The following UTS2B variants were observed in gnomAD, a reference collection of about 807,000 sequenced individuals.
The protein encoded by UTS2B is urotensin 2B.
Under a neutral mutation model 19.2 loss-of-function variants are expected in UTS2B, and 21 were observed. The observed-to-expected ratio is 1.09, with a 90% CI of 0.78 to 1.58. UTS2B has a LOEUF of 1.58. Ranked by LOEUF, UTS2B falls within the 40% of genes most tolerant of loss-of-function variation. The pLI is 0.00. For synonymous variants in UTS2B, 57 were observed against 50.2 expected (o/e 1.14, Z -0.58); for missense variants, 138 against 130.3 (o/e 1.06, Z -0.29).
intron 4 of UTS2B, among the ~76,000 whole-genome samples, chr3:191,297,224 T>C (rs1716880241): frequency 6.6e-6 from 1 of 152,156 alleles, no homozygotes; most frequent in Non-Finnish European, 1.5e-5. Context: ...CCTTGGCCAC[T>C]TTCTTAACTT....
chr3:191,343,790 A>G, the UTS2B span, among the ~76,000 whole-genome samples: 2 of 152,190 alleles, frequency 1.3e-5, no homozygotes, highest in African/African-American at 4.8e-5. Context: ...AGTGCTTGGT[A>G]AAGTATTAGA....
At chr3:191,338,621 T>C in the UTS2B span, among the ~76,000 whole-genome samples, 151,328 of 152,352 alleles carry the variant, frequency 0.99, 75,156 homozygotes, top group East Asian at 1. Flanking sequence ...CTGGTCAGAC[T>C]TCATTATTTC....
At chr3:191,292,467 G>A (rs1323327196) in intron 4 of UTS2B, among the ~76,000 whole-genome samples, 2 of 152,070 alleles carry the variant, frequency 1.3e-5, no homozygotes, top group East Asian at 3.8e-4. Context: ...TGTATTGATT[G>A]ATTTTGTATA....
Position 191,317,953 on chromosome 3 carries a change from CCTT to C in UTS2B, c.-585-1517_-585-1515del, listed in dbSNP as rs1717512153. On this transcript the variant is annotated intron_variant, in intron 2 of 8. Transcript: ENST00000340524. ...GAGCATGAAAACAGAAGTTGCCTGG[CCTT>C]CTTATGTCAAGGCTTATAAGTCTCA... Among the ~76,000 whole-genome samples the C allele has an allele frequency of 3.3e-5, 5 of 152,196 alleles. No individual in the cohort carries two copies. In the South Asian group the frequency reaches 1.0e-3, roughly 32 times the overall value.
At chr3:191,277,580 T>C (rs1716270365) in intron 6 of UTS2B, 1 of 152,098 alleles carries the variant, frequency 6.6e-6, no homozygotes, top group South Asian at 2.1e-4. Flanking sequence ...CAAATAAAAA[T>C]AATTTCAATT....
At chr3:191,314,103 A>G (rs533034034) in intron 3 of UTS2B, among the ~76,000 whole-genome samples, 12 of 152,176 alleles carry the variant, frequency 7.9e-5, no homozygotes, top group African/African-American at 2.9e-4. Context: ...TTTCCACTGC[A>G]CTTCGTGACT....
chr3:191,332,910 C>T (rs1241986135), upstream of UTS2B, among the ~76,000 whole-genome samples: 1 of 152,204 alleles, frequency 6.6e-6, no homozygotes, highest in African/African-American at 2.4e-5. Context: ...GGCGTTTCAT[C>T]AACTTCTTTG....
At chr3:191,304,136 T>G (rs1021902006) in intron 4 of UTS2B, among the ~76,000 whole-genome samples, 1 of 152,150 alleles carries the variant, frequency 6.6e-6, no homozygotes, top group Non-Finnish European at 1.5e-5. Flanking sequence ...TTTTGTACTT[T>G]TAGTAGAGAC....
chr3:191,291,742 G>A (rs757833193), intron 4 of UTS2B, among the ~76,000 whole-genome samples: 2 of 152,088 alleles, frequency 1.3e-5, no homozygotes, highest in Admixed American at 6.5e-5. Flanking sequence ...GTGAGCCACC[G>A]CGCCCGGCCT....
At chr3:191,344,355 C>T in the UTS2B span, among the ~76,000 whole-genome samples, 2 of 152,152 alleles carry the variant, frequency 1.3e-5, no homozygotes, top group African/African-American at 4.8e-5. Flanking sequence ...GAATAGTAGC[C>T]ACCAGCCCCA....
chr3:191,274,918 A>T (rs1271235869), intron 8 of UTS2B, among the ~76,000 whole-genome samples: 1 of 152,228 alleles, frequency 6.6e-6, no homozygotes, highest in East Asian at 1.9e-4. Flanking sequence ...GATTCTATGG[A>T]ATTTTAAATT....
intron 4 of UTS2B, among the ~76,000 whole-genome samples, chr3:191,302,905 A>G (rs918769023): frequency 2.0e-5 from 3 of 152,240 alleles, no homozygotes; most frequent in Admixed American, 1.3e-4. Flanking sequence ...GGCTCTCTCT[A>G]AAGTTCCCTT....
At chr3:191,274,429 A>C (rs111685444) in intron 8 of UTS2B, among the ~76,000 whole-genome samples, 322 of 152,336 alleles carry the variant, frequency 2.1e-3, no homozygotes, top group African/African-American at 7.1e-3. Flanking sequence ...TATTATCATT[A>C]TCCGCATTTT....
chr3:191,341,788 T>TA, the UTS2B span, among the ~76,000 whole-genome samples: 1 of 152,244 alleles, frequency 6.6e-6, no homozygotes, highest in African/African-American at 2.4e-5. Flanking sequence ...AATCACTTCT[T>TA]AAAATCTATG....
chr3:191,304,590 G>C (rs1418606215), intron 3 of UTS2B, 42 bp from the exon 4 acceptor site: 2 of 152,086 alleles, frequency 1.3e-5, no homozygotes, highest in African/African-American at 4.8e-5. Context: ...TAATGCTCTC[G>C]TATCCTCTTT....
chr3:191,278,097 A>C lies in UTS2B; in HGVS notation c.177T>G (p.Phe59Leu). The change falls in exon 6 of 9, where the codon TTT (phenylalanine) becomes TTG (leucine). Residue 59 changes from phenylalanine (F) to leucine (L), a missense_variant. Coordinates refer to ENST00000340524, the MANE Select transcript of UTS2B (RefSeq NM_198152.5). ...CAGTGTTGAAAGGTCTTTGGAAATC[A>C]AAATTTTTATTCAGTAGAGCCAGCA... The part of the protein sequence containing the change: ...ELLLALLNKN[F>L]DFQRPFNTDL... The C allele has an allele frequency of 6.4e-7, 1 of 1,564,208 alleles. No homozygotes were observed. Among genetic ancestry groups the C allele is most frequent in the Non-Finnish European group, 8.6e-7 (1 of 1,159,264 alleles).
intron 8 of UTS2B, among the ~76,000 whole-genome samples, chr3:191,274,060 C>A (rs1180307054): frequency 6.6e-6 from 1 of 151,978 alleles, no homozygotes; most frequent in Non-Finnish European, 1.5e-5. Context: ...CGAGATTGTG[C>A]CATTGCACTC....
rs531943285 is a variant in UTS2B at position 191,268,404 on chromosome 3, A to G, written c.*12T>C. ...GATATTCTTATCTTTTTTTGCATCC[A>G]GAGAAAAAGCTTTAAACACAGTATT... is the stretch of plus-strand genomic sequence containing the variant. On this transcript the variant is annotated 3_prime_UTR_variant, in exon 9 of 9. Coordinates refer to ENST00000340524, the MANE Select transcript of UTS2B (RefSeq NM_198152.5). The G allele has an allele frequency of 1.9e-5, 30 of 1,557,408 alleles. No homozygotes were observed. The highest frequency in any genetic ancestry group is 2.4e-5 in the Non-Finnish European group (27 of 1,139,404).
intron 4 of UTS2B, among the ~76,000 whole-genome samples, chr3:191,297,420 T>C (rs1716884318): frequency 6.6e-6 from 1 of 152,226 alleles, no homozygotes; most frequent in African/African-American, 2.4e-5. Context: ...AAGATCTTTA[T>C]ACTTCATTTA....
Sources: gnomAD v4.1 joint callset for allele counts (sites outside exome capture counted in the v4.1 genomes callset) on GRCh38, gnomAD v4.1.1 for gene constraint, MANE v1.5 for transcripts, NCBI Gene and HGNC (gene_info 2026-07-23, HGNC 2026-07-21) for gene names.